The following BAG4 variants were observed in gnomAD, a reference collection of about 807,000 sequenced individuals.
BAG4 encodes the protein BAG cochaperone 4.
Under a neutral mutation model 52.1 loss-of-function variants are expected in BAG4, and 28 were observed. The ratio of observed to expected loss-of-function variants is 0.54; its 90% CI spans 0.40 to 0.74. BAG4 has a LOEUF of 0.74. Among genes scored for constraint, BAG4 ranks in the 30% least tolerant of loss-of-function variants. The pLI, the probability that BAG4 is intolerant of heterozygous loss-of-function variation, is 0.00. For missense variants in BAG4, 525 were observed against 572.0 expected (o/e 0.92, Z 0.84); for synonymous variants, 208 against 217.0 (o/e 0.96, Z 0.37).
chr8:38,200,196 A>G (rs1803637511), intron 2 of BAG4, among the ~76,000 whole-genome samples: 1 of 151,826 alleles, frequency 6.6e-6, no homozygotes, highest in South Asian at 2.1e-4. Context: ...TAGTAGAGAC[A>G]GGGTTTTACC....
chr8:38,205,856 TA>T (rs1420726093), intron 2 of BAG4, among the ~76,000 whole-genome samples: 1 of 152,198 alleles, frequency 6.6e-6, no homozygotes, highest in East Asian at 1.9e-4. Context: ...AAGTAGAAAT[TA>T]ATAGAACACG....
chr8:38,186,714 G>A (rs2130666987), intron 1 of BAG4, among the ~76,000 whole-genome samples: 1 of 152,300 alleles, frequency 6.6e-6, no homozygotes, highest in East Asian at 1.9e-4. Context: ...TTATGCCTCA[G>A]GGTGTTATTA....
chr8:38,181,127 G>A, intron 1 of BAG4, among the ~76,000 whole-genome samples: 1 of 151,078 alleles, frequency 6.6e-6, no homozygotes, highest in Admixed American at 6.6e-5. Flanking sequence ...ATTTTTAGTA[G>A]AGACGGAGTT....
intron 2 of BAG4, 86 bp downstream of exon 2, chr8:38,192,881 TGA>T: frequency 1.0e-6 from 1 of 990,272 alleles, no homozygotes; most frequent in Admixed American, 2.9e-5. Context: ...AGAGCAGTGA[TGA>T]GTGTGTGTTT....
intron 1 of BAG4, among the ~76,000 whole-genome samples, chr8:38,191,284 A>T (rs1803469285): frequency 1.3e-5 from 2 of 152,242 alleles, no homozygotes; most frequent in Admixed American, 1.3e-4. Context: ...AACAGTGTTG[A>T]TAATTATGAT....
chr8:38,203,598 A>G (rs879095931), intron 2 of BAG4, among the ~76,000 whole-genome samples: 34 of 152,016 alleles, frequency 2.2e-4, no homozygotes, highest in African/African-American at 7.5e-4. Flanking sequence ...ATTTTTTGTG[A>G]TAAGTCCTGT....
intron 1 of BAG4, among the ~76,000 whole-genome samples, chr8:38,183,978 G>C (rs568944548): frequency 1.1e-4 from 16 of 152,274 alleles, no homozygotes; most frequent in African/African-American, 3.9e-4. Context: ...AAACCGTTAA[G>C]TCAGGATCTG....
rs186338246 is a variant in BAG4, at chr8:38,182,522, A to G, written c.270+5383A>G. On this transcript the variant is annotated intron_variant, in intron 1 of 4. Transcript: ENST00000287322. ...TAGTTATCTTGCATAATTTTAATCA[A>G]ATTTTCTTTGGCATAGAACTTTAAT... is the stretch of plus-strand genomic sequence containing the variant. Among the ~76,000 whole-genome samples, 33 of 152,364 alleles carry G rather than the reference A, an allele frequency of 2.2e-4. 1 individual carries two copies. Among genetic ancestry groups the G allele is most frequent in the African/African-American group, 7.5e-4 (31 of 41,594 alleles).
At chr8:38,194,111 A>G (rs1430358724) in intron 2 of BAG4, among the ~76,000 whole-genome samples, 2 of 152,042 alleles carry the variant, frequency 1.3e-5, no homozygotes, top group Non-Finnish European at 2.9e-5. Flanking sequence ...ACCTCAGGTG[A>G]TCCGCCCACC....
At chr8:38,194,859 T>TTTTTTTTTTTTTTTTTG in intron 2 of BAG4, among the ~76,000 whole-genome samples, 1 of 148,170 alleles carries the variant, frequency 6.7e-6, no homozygotes, top group African/African-American at 2.5e-5. Context: ...TTTTTTTTTT[T>TTTTTTTTTTTTTTTTTG]TTTGTTTTTT....
chr8:38,199,435 T>G (rs1444722432), intron 2 of BAG4, among the ~76,000 whole-genome samples: 1 of 152,224 alleles, frequency 6.6e-6, no homozygotes, highest in Non-Finnish European at 1.5e-5. Flanking sequence ...GTGCAATTTT[T>G]TTGTTTTTTA....
intron 1 of BAG4, among the ~76,000 whole-genome samples, chr8:38,187,914 G>A: frequency 6.7e-6 from 1 of 149,880 alleles, no homozygotes; most frequent in South Asian, 2.1e-4. Flanking sequence ...GCGGGCGCCT[G>A]TAGTCCCAGC....
Position 38,210,066 on chromosome 8 carries a change from G to A in BAG4, c.947G>A (p.Cys316Tyr). The change falls in exon 5 of 5, where the codon TGC becomes TAC. Residue 316 changes from cysteine (C) to tyrosine (Y), a missense_variant. By Grantham distance (194) the Cys-to-Tyr change is radical. This residue lies in a region of BAG4 where 238 missense variants were observed against 305.8 expected (regional missense o/e 0.78). Coordinates refer to ENST00000287322, the MANE Select transcript of BAG4 (RefSeq NM_004874.4). ...AGCATGAACCGGCACAACTTTCCTT[G>A]CAGTGTCCATCAGTACGAATCCTCG... ...DQSMNRHNFPCSVHQYESSGT... is the reference protein window; with the variant it reads ...DQSMNRHNFPYSVHQYESSGT... The A allele has an allele frequency of 6.2e-7, 1 of 1,614,140 alleles. No individual in the cohort carries two copies. Among genetic ancestry groups the A allele is most frequent in the Non-Finnish European group, 8.5e-7 (1 of 1,180,044 alleles).
In BAG4 at chr8:38,211,076, T is replaced by A. The variant is rs1205822246; in HGVS notation, c.*583T>A. On this transcript the variant is annotated 3_prime_UTR_variant, in exon 5 of 5. Transcript: ENST00000287322. ...AATATAATTATTCAAGAGACTATAT[T>A]GACAGCCAGATAGTATGGCAGTTCT... 5 of 152,350 alleles carry A rather than the reference T, an allele frequency of 3.3e-5. No homozygotes were observed. The East Asian group carries it at 9.6e-4, about 29-fold the overall frequency. The allele number at this position is 152,350 out of a possible 1,614,324, so 9.4% of individuals were successfully genotyped here.
chr8:38,193,812 C>G (rs1803517612), intron 2 of BAG4, among the ~76,000 whole-genome samples: 1 of 151,134 alleles, frequency 6.6e-6, no homozygotes, highest in Non-Finnish European at 1.5e-5. Flanking sequence ...GATCTTGGCT[C>G]ATTGCAGCCT....
chr8:38,207,008 G>A (rs555828641), intron 2 of BAG4, among the ~76,000 whole-genome samples: 5 of 148,112 alleles, frequency 3.4e-5, no homozygotes, highest in East Asian at 2.0e-4. Flanking sequence ...GCTGGAGTGC[G>A]ATGGCACGAT....
intron 2 of BAG4, among the ~76,000 whole-genome samples, chr8:38,194,307 G>A: frequency 6.6e-6 from 1 of 151,276 alleles, no homozygotes; most frequent in East Asian, 1.9e-4. Context: ...ACACACTCCT[G>A]CAGCTTGCTT....
chr8:38,197,344 C>T (rs991338945), intron 2 of BAG4, among the ~76,000 whole-genome samples: 1 of 152,184 alleles, frequency 6.6e-6, no homozygotes, highest in Admixed American at 6.5e-5. Flanking sequence ...TTCTAGGCTA[C>T]AAACCTGTAC....
intron 2 of BAG4, chr8:38,203,090 T>G (rs1803708350): frequency 6.6e-6 from 1 of 152,070 alleles, no homozygotes; most frequent in Non-Finnish European, 1.5e-5. Flanking sequence ...TAGATAATCA[T>G]CCCCTACATA....
Sources: allele counts gnomAD v4.1 joint callset (sites outside exome capture counted in the v4.1 genomes callset), GRCh38; gene constraint gnomAD v4.1.1; regional missense constraint gnomAD v4.1.1; transcripts MANE v1.5; gene names NCBI Gene and HGNC (gene_info 2026-07-23, HGNC 2026-07-21).